Variants in SLCO6A1 observed in about 807,000 individuals in gnomAD.
SLCO6A1 encodes the protein solute carrier organic anion transporter family member 6A1.
SLCO6A1 carries 65 observed loss-of-function variants against 72.7 expected under a neutral mutation model. The observed-to-expected ratio is 0.89, with a 90% CI of 0.73 to 1.10. The LOEUF is 1.10. SLCO6A1 is among the 50% of genes least tolerant of loss of function. The pLI is 0.00. For missense variants in SLCO6A1, 874 were observed against 872.6 expected (o/e 1.00, Z -0.02); for synonymous variants, 314 against 298.2 (o/e 1.05, Z -0.55).
chr5:102,464,180 A>G (rs1561483812), intron 4 of SLCO6A1, among the ~76,000 whole-genome samples: 1 of 152,180 alleles, frequency 6.6e-6, no homozygotes. Context: ...CCTGTTCCCC[A>G]AAAACTATCG....
chr5:102,402,782 C>T (rs1352955754), intron 9 of SLCO6A1, among the ~76,000 whole-genome samples: 1 of 152,164 alleles, frequency 6.6e-6, no homozygotes, highest in Non-Finnish European at 1.5e-5. Flanking sequence ...CTTGTTAATA[C>T]CATCACAATG....
At chr5:102,477,613 T>C (rs1751969477) in intron 3 of SLCO6A1, 63 bp downstream of exon 3, 3 of 1,399,608 alleles carry the variant, frequency 2.1e-6, no homozygotes, top group East Asian at 2.3e-5. Flanking sequence ...AGCTTAGATA[T>C]GCATACCAAA....
chr5:102,382,475 A>T (rs541070653), intron 12 of SLCO6A1, among the ~76,000 whole-genome samples: 1 of 138,134 alleles, frequency 7.2e-6, no homozygotes, highest in Non-Finnish European at 1.6e-5. Flanking sequence ...GTCTTTTGTG[A>T]TTTCATGCAA....
chr5:102,492,216 A>G (rs1018090319), intron 1 of SLCO6A1, among the ~76,000 whole-genome samples: 1 of 152,208 alleles, frequency 6.6e-6, no homozygotes, highest in Non-Finnish European at 1.5e-5. Context: ...TCCAAACCAT[A>G]TCAGGACTCT....
chr5:102,388,778 A>G lies in SLCO6A1; in HGVS notation c.1927T>C (p.Cys643Arg). ...CATTTATTAACATCCCGTAAAATAC[A>G]AGAAGTTTCTCCTGACATTTTAAAG... ...SIFKMSGETS[C>R]ILRDVNKCGH... is the part of the protein sequence containing the mutation. The change falls in exon 12 of 14, where the codon TGT becomes CGT. Residue 643 changes from cysteine to arginine, a missense_variant. Physicochemically the swap from Cys to Arg is radical, Grantham distance 180. Transcript: ENST00000506729. The G allele has an allele frequency of 6.2e-7, 1 of 1,608,716 alleles. No homozygotes were observed. Among genetic ancestry groups the G allele is most frequent in the Non-Finnish European group, 8.5e-7 (1 of 1,178,314 alleles).
At chr5:102,418,592 C>T (rs1429544629) in intron 8 of SLCO6A1, among the ~76,000 whole-genome samples, 1 of 152,074 alleles carries the variant, frequency 6.6e-6, no homozygotes, top group African/African-American at 2.4e-5. Flanking sequence ...TATTTTATAG[C>T]TTTGGATCAT....
At chr5:102,469,597 T>C (rs1751496325) in intron 4 of SLCO6A1, among the ~76,000 whole-genome samples, 1 of 152,222 alleles carries the variant, frequency 6.6e-6, no homozygotes, top group Non-Finnish European at 1.5e-5. Context: ...AATCATGTCA[T>C]CTGCAAACAG....
intron 11 of SLCO6A1, 53 bp downstream of exon 11, chr5:102,390,928 T>C (rs368492489): frequency 1.4e-6 from 2 of 1,421,132 alleles, no homozygotes; most frequent in African/African-American, 1.4e-5. Flanking sequence ...TGTAGACATA[T>C]ATACATATCA....
chr5:102,401,826 C>G (rs986361686), intron 9 of SLCO6A1, among the ~76,000 whole-genome samples: 1 of 152,088 alleles, frequency 6.6e-6, no homozygotes, highest in African/African-American at 2.4e-5. Context: ...CATCTTAACC[C>G]AGTCCAAAGC....
intron 4 of SLCO6A1, among the ~76,000 whole-genome samples, chr5:102,469,440 C>T (rs1048821041): frequency 3.9e-5 from 6 of 152,066 alleles, no homozygotes; most frequent in African/African-American, 1.4e-4. Context: ...AATTGGAGTT[C>T]ACTCATGATT....
chr5:102,389,365 C>A (rs1179217986), intron 11 of SLCO6A1, among the ~76,000 whole-genome samples: 1 of 151,492 alleles, frequency 6.6e-6, no homozygotes, highest in African/African-American at 2.4e-5. Context: ...CTGAGGGAAA[C>A]CTCTACATAG....
intron 8 of SLCO6A1, among the ~76,000 whole-genome samples, chr5:102,417,672 C>T (rs373294432): frequency 6.6e-6 from 1 of 152,136 alleles, no homozygotes; most frequent in Non-Finnish European, 1.5e-5. Context: ...TATTTATCCA[C>T]ATAGTTAACA....
At chr5:102,372,319 C>T (rs943555481) in intron 13 of SLCO6A1, among the ~76,000 whole-genome samples, 196 bp from the exon 14 acceptor site, 3 of 152,038 alleles carry the variant, frequency 2.0e-5, no homozygotes, top group Non-Finnish European at 4.4e-5. Flanking sequence ...TACCCATCCA[C>T]ATAGGGTCAT....
At chr5:102,474,001 G>T (rs1001153710) in intron 4 of SLCO6A1, among the ~76,000 whole-genome samples, 4 of 151,848 alleles carry the variant, frequency 2.6e-5, no homozygotes, top group African/African-American at 9.7e-5. Context: ...TTGTTAAAAT[G>T]TTTATACAAC....
chr5:102,393,405 C>A (rs1746878640), intron 10 of SLCO6A1, among the ~76,000 whole-genome samples: 1 of 152,136 alleles, frequency 6.6e-6, no homozygotes, highest in African/African-American at 2.4e-5. Flanking sequence ...ATATGACATG[C>A]TTACAAAGCT....
At chr5:102,391,139 G>C in intron 10 of SLCO6A1, 94 bp from the exon 11 acceptor site, 4 of 1,220,250 alleles carry the variant, frequency 3.3e-6, no homozygotes, top group Non-Finnish European at 4.8e-6. Flanking sequence ...TTTTTTTCTG[G>C]TGCATCAATT....
intron 12 of SLCO6A1, among the ~76,000 whole-genome samples, chr5:102,382,674 T>TAAA (rs1052378070): frequency 6.6e-6 from 1 of 151,532 alleles, no homozygotes; most frequent in Non-Finnish European, 1.5e-5. Flanking sequence ...CAATCTCTTA[T>TAAA]GATTTTCAAC....
chr5:102,431,378 T>G (rs1419205643), intron 7 of SLCO6A1, among the ~76,000 whole-genome samples: 1 of 152,144 alleles, frequency 6.6e-6, no homozygotes, highest in Admixed American at 6.5e-5. Flanking sequence ...TCTAACTTTT[T>G]GATGTGAGCA....
intron 4 of SLCO6A1, among the ~76,000 whole-genome samples, chr5:102,461,345 A>C (rs1263718928): frequency 1.3e-5 from 2 of 152,074 alleles, no homozygotes; most frequent in Non-Finnish European, 2.9e-5. Flanking sequence ...CATATGTATA[A>C]AAAGATAACA....
Sources: allele counts gnomAD v4.1 joint callset (sites outside exome capture counted in the v4.1 genomes callset), GRCh38; gene constraint gnomAD v4.1.1; transcripts MANE v1.5; gene names NCBI Gene and HGNC (gene_info 2026-07-23, HGNC 2026-07-21).